Variants in FGF12 observed in about 807,000 individuals in gnomAD.
FGF12 encodes the protein fibroblast growth factor 12.
In FGF12, 14 loss-of-function variants were observed where a neutral mutation model predicts 23.6. That is an observed-to-expected ratio of 0.59 (90% CI 0.39 to 0.93). The LOEUF is 0.93. Among genes scored for constraint, FGF12 ranks in the 40% least tolerant of loss-of-function variants. FGF12 has a pLI of 0.00. For synonymous variants in FGF12, 62 were observed against 77.3 expected (o/e 0.80, Z 1.04); for missense variants, 175 against 217.8 (o/e 0.80, Z 1.24).
intron 2 of FGF12, among the ~76,000 whole-genome samples, chr3:192,613,468 C>T (rs1266971093): frequency 1.3e-5 from 2 of 151,960 alleles, no homozygotes; most frequent in East Asian, 1.9e-4. Context: ...ATAGGACTTA[C>T]TTCATTTACC....
intron 4 of FGF12, among the ~76,000 whole-genome samples, chr3:192,224,603 A>AT (rs917737667): frequency 1.4e-4 from 22 of 151,962 alleles, no homozygotes; most frequent in African/African-American, 5.1e-4. Context: ...TTATTCTTAA[A>AT]TTTCTTCTTA....
intron 2 of FGF12, among the ~76,000 whole-genome samples, chr3:192,660,902 A>G (rs572563417): frequency 6.6e-6 from 1 of 152,134 alleles, no homozygotes; most frequent in Non-Finnish European, 1.5e-5. Context: ...TGGGGCAAAA[A>G]AAAAGCACAG....
intron 4 of FGF12, among the ~76,000 whole-genome samples, chr3:192,199,868 G>A (rs1717268016): frequency 6.6e-6 from 1 of 152,056 alleles, no homozygotes; most frequent in Admixed American, 6.6e-5. Flanking sequence ...TGGACTAAAG[G>A]GTATTTTCTA....
chr3:192,212,441 G>C (rs1717982219), intron 4 of FGF12, among the ~76,000 whole-genome samples: 1 of 152,152 alleles, frequency 6.6e-6, no homozygotes, highest in Non-Finnish European at 1.5e-5. Context: ...ACGGTGTGGG[G>C]AGAAGAATGG....
At chr3:192,161,000 G>C (rs1299671247) in intron 5 of FGF12, among the ~76,000 whole-genome samples, 1 of 151,928 alleles carries the variant, frequency 6.6e-6, no homozygotes, top group Non-Finnish European at 1.5e-5. Flanking sequence ...CAAATAATAA[G>C]CCTCATCTTC....
chr3:192,714,905 G>T (rs1718820273), intron 2 of FGF12, among the ~76,000 whole-genome samples: 1 of 152,150 alleles, frequency 6.6e-6, no homozygotes, highest in African/African-American at 2.4e-5. Flanking sequence ...AAGTTTCAAC[G>T]CTAGAATTTT....
At chr3:192,557,041 G>A (rs1327290324) in intron 2 of FGF12, among the ~76,000 whole-genome samples, 1 of 151,826 alleles carries the variant, frequency 6.6e-6, no homozygotes, top group Non-Finnish European at 1.5e-5. Context: ...CAAAATGTAT[G>A]GGATGCATCA....
chr3:192,665,252 G>GA (rs998792661), intron 2 of FGF12, among the ~76,000 whole-genome samples: 2 of 151,954 alleles, frequency 1.3e-5, no homozygotes, highest in Non-Finnish European at 2.9e-5. Flanking sequence ...ACCTAAATAT[G>GA]AAAAAAATCA....
At chr3:192,503,575 G>T (rs1431490067) in intron 2 of FGF12, among the ~76,000 whole-genome samples, 40 of 134,640 alleles carry the variant, frequency 3.0e-4, no homozygotes, top group African/African-American at 8.9e-4. Flanking sequence ...TTTTGTTTTG[G>T]TTTTTTTTTT....
rs73064504 is a variant in FGF12, at chr3:192,208,697, G to T, written c.229-38041C>A. Among the ~76,000 whole-genome samples, 971 of 152,238 alleles carry T rather than the reference G, an allele frequency of 6.4e-3. 9 individuals carry two copies. The highest frequency in any genetic ancestry group is 0.02 in the African/African-American group (830 of 41,556). On this transcript the variant is annotated intron_variant, in intron 4 of 5. Coordinates refer to ENST00000445105, the MANE Select transcript of FGF12 (RefSeq NM_004113.6). ...TTTCAATTTTAAAACAAAAAACACTGTTGGGAACCCTCTTTGAGGAATGCT... is the reference window on the plus strand; with the variant it reads ...TTTCAATTTTAAAACAAAAAACACTTTTGGGAACCCTCTTTGAGGAATGCT...
At chr3:192,432,642 AG>A (rs1195547448) in intron 2 of FGF12, among the ~76,000 whole-genome samples, 5 of 140,698 alleles carry the variant, frequency 3.6e-5, no homozygotes, top group African/African-American at 1.0e-4. Flanking sequence ...AAAAAAAAAA[AG>A]AAAGAAAGAA....
intron 2 of FGF12, among the ~76,000 whole-genome samples, chr3:192,591,898 T>C (rs946858436): frequency 2.0e-5 from 3 of 151,672 alleles, no homozygotes; most frequent in African/African-American, 7.3e-5. Context: ...CAAATAAAAT[T>C]GGAAGCTAAG....
intron 2 of FGF12, among the ~76,000 whole-genome samples, chr3:192,670,863 A>T (rs769533087): frequency 5.3e-5 from 8 of 152,202 alleles, no homozygotes; most frequent in Non-Finnish European, 1.2e-4. Context: ...AGGCTTCATG[A>T]AGGGGACAGA....
intron 2 of FGF12, among the ~76,000 whole-genome samples, chr3:192,511,831 A>G (rs1437688629): frequency 6.6e-6 from 1 of 152,158 alleles, no homozygotes; most frequent in African/African-American, 2.4e-5. Flanking sequence ...CTGCAGTACA[A>G]AGGACTCAGA....
chr3:192,394,242 A>T (rs1039744664), intron 2 of FGF12, among the ~76,000 whole-genome samples: 1 of 152,318 alleles, frequency 6.6e-6, no homozygotes, highest in Non-Finnish European at 1.5e-5. Context: ...TGAGGTCCAA[A>T]CTTATGTAAT....
intron 4 of FGF12, among the ~76,000 whole-genome samples, chr3:192,220,550 C>T (rs1718414677): frequency 6.6e-6 from 1 of 152,170 alleles, no homozygotes; most frequent in Non-Finnish European, 1.5e-5. Context: ...AGTTTTGATC[C>T]ACTCTGTACT....
chr3:192,642,756 C>T (rs1715853127), intron 2 of FGF12, among the ~76,000 whole-genome samples: 1 of 152,166 alleles, frequency 6.6e-6, no homozygotes, highest in Non-Finnish European at 1.5e-5. Context: ...AATCGGAGGT[C>T]AGCATAGCCC....
At position 192,494,014 on chromosome 3, in the gene FGF12, G is replaced by A. The variant is rs757586682; in HGVS notation, c.14-133476C>T. Among the ~76,000 whole-genome samples, 9 of 152,116 alleles carry A rather than the reference G, an allele frequency of 5.9e-5. No homozygotes were observed. In the East Asian group the frequency reaches 9.6e-4, roughly 16 times the overall value. On this transcript the variant is annotated intron_variant, in intron 2 of 5. Coordinates refer to ENST00000445105, the MANE Select transcript of FGF12 (RefSeq NM_004113.6). Reference sequence around the variant, plus strand: ...TCAGAAGAGAATGACAGAACAGCACGTACCTAGAGATTTATCTAAACACTT... The same window carrying A: ...TCAGAAGAGAATGACAGAACAGCACATACCTAGAGATTTATCTAAACACTT...
At chr3:192,302,286 C>T (rs1205601978) in intron 4 of FGF12, among the ~76,000 whole-genome samples, 1 of 152,180 alleles carries the variant, frequency 6.6e-6, no homozygotes, top group Non-Finnish European at 1.5e-5. Flanking sequence ...ACAGACTCTG[C>T]TCCATTTTTC....
Sources: gnomAD v4.1 joint callset for allele counts (sites outside exome capture counted in the v4.1 genomes callset) on GRCh38, gnomAD v4.1.1 for gene constraint, MANE v1.5 for transcripts, NCBI Gene and HGNC (gene_info 2026-07-23, HGNC 2026-07-21) for gene names.